Variants in CDH1 observed in about 807,000 individuals in gnomAD.
CDH1 encodes cadherin 1, also known as cadherin-1.
CDH1 carries 35 observed loss-of-function variants against 84.5 expected under a neutral mutation model. The ratio of observed to expected loss-of-function variants is 0.41; its 90% confidence interval spans 0.32 to 0.55. CDH1 has a LOEUF of 0.55. Ranked by LOEUF, CDH1 falls within the 20% of genes least tolerant of loss-of-function variation. CDH1 has a pLI of 0.19. For synonymous variants in CDH1, 417 were observed against 439.0 expected, an observed-to-expected ratio of 0.95 and a Z score of 0.63; for missense variants, 994 against 1,126.6, an observed-to-expected ratio of 0.88 and a Z score of 1.68.
chr16:68,829,536 A>G, intron 14 of CDH1, 118 bp from the exon 15 acceptor site: 1 of 1,011,392 alleles, frequency 9.9e-7, no homozygotes, highest in East Asian at 2.6e-5. Context: ...ACTGGTAAAG[A>G]TCATACAGTT....
intron 2 of CDH1, among the ~76,000 whole-genome samples, chr16:68,798,547 C>T (rs552268778): frequency 6.6e-6 from 1 of 152,320 alleles, no homozygotes; most frequent in East Asian, 1.9e-4. Flanking sequence ...TAGGGCTTAA[C>T]CACCATTAAG....
At chr16:68,787,137 G>A (rs1050293551) in intron 2 of CDH1, among the ~76,000 whole-genome samples, 1 of 152,126 alleles carries the variant, frequency 6.6e-6, no homozygotes, top group Non-Finnish European at 1.5e-5. Flanking sequence ...TTTATATCTG[G>A]GTTGTGTTTT....
At chr16:68,815,420 T>C (rs2152134523) in intron 9 of CDH1, 95 bp from the exon 10 acceptor site, 4 of 1,513,664 alleles carry the variant, frequency 2.6e-6, no homozygotes, top group Non-Finnish European at 2.7e-6. Context: ...ACCAACCTAA[T>C]ATATTACCAA....
At chr16:68,754,304 G>T (rs1483486970) in intron 2 of CDH1, among the ~76,000 whole-genome samples, 1 of 151,998 alleles carries the variant, frequency 6.6e-6, no homozygotes, top group African/African-American at 2.4e-5. Context: ...CCAGCTACCT[G>T]GGAGGCTAAG....
At chr16:68,796,913 G>T (rs1960377167) in intron 2 of CDH1, among the ~76,000 whole-genome samples, 1 of 151,844 alleles carries the variant, frequency 6.6e-6, no homozygotes, top group Non-Finnish European at 1.5e-5. Flanking sequence ...TGAGGTTGGT[G>T]GATCGCTTGA....
At chr16:68,822,477 C>T in intron 12 of CDH1, 1 of 575,748 alleles carries the variant, frequency 1.7e-6, no homozygotes. Context: ...TCTAGCCACC[C>T]TCCACTCCCC....
intron 2 of CDH1, among the ~76,000 whole-genome samples, chr16:68,750,102 A>G (rs140316027): frequency 4.3e-5 from 6 of 140,190 alleles, no homozygotes; most frequent in African/African-American, 1.6e-4. Context: ...GTGAGCCACC[A>G]GGCCTGGCCT....
At chr16:68,811,911 C>T (rs895416852) in intron 7 of CDH1, 52 bp downstream of exon 7, 1 of 1,594,442 alleles carries the variant, frequency 6.3e-7, no homozygotes, top group Admixed American at 1.7e-5. Flanking sequence ...TGTATTAGCT[C>T]AATCCCGTGG....
chr16:68,765,752 T>C (rs1169928738), intron 2 of CDH1, among the ~76,000 whole-genome samples: 1 of 152,104 alleles, frequency 6.6e-6, no homozygotes, highest in East Asian at 1.9e-4. Context: ...TAACACTTTT[T>C]AAAAGATTTG....
rs2152139650 is a variant in CDH1 at position 68,823,603 on chromosome 16, T to C, written c.2141T>C (p.Leu714Pro). ...CAAATTCCTGCCATTCTGGGGATTC[T>C]TGGAGGAATTCTTGCTTTGCTAAGT... ...GLQIPAILGI[L>P]GGILALLILI... The change falls in exon 13 of 16, where the codon CTT becomes CCT. Residue 714 changes from leucine (L) to proline (P), a missense_variant. Physicochemically the swap from Leu to Pro is moderately conservative, Grantham distance 98. Coordinates refer to ENST00000261769, the MANE Select transcript of CDH1 (RefSeq NM_004360.5). 1 of 1,612,802 alleles carries C rather than the reference T, an allele frequency of 6.2e-7. No homozygotes were observed. Among genetic ancestry groups the C allele is most frequent in the East Asian group, 2.2e-5 (1 of 44,884 alleles).
Position 68,833,694 on chromosome 16 carries a change from C to A in CDH1, c.*195C>A. The A allele has an allele frequency of 3.5e-6, 2 of 579,632 alleles. No homozygotes were observed. The highest frequency in any genetic ancestry group is 6.1e-6 in the Non-Finnish European group (2 of 327,058). The allele number at this position is 579,632 out of a possible 1,614,324, so 35.9% of individuals were successfully genotyped here. On this transcript the variant is annotated 3_prime_UTR_variant, in exon 16 of 16. Transcript: ENST00000261769. ...TAAGTTTGTGTTAGAAAAGTTTCGACTTATTTCTTAAAGCTTTTTTTTTTT... is the reference window on the plus strand; with the variant it reads ...TAAGTTTGTGTTAGAAAAGTTTCGAATTATTTCTTAAAGCTTTTTTTTTTT...
In CDH1 at chr16:68,801,756, A is replaced by G; in HGVS notation, c.250A>G (p.Thr84Ala). 6.2e-7 allele frequency: 1 copy of G among 1,614,184 alleles called. No homozygotes were observed. The highest frequency in any genetic ancestry group is 8.5e-7 in the Non-Finnish European group (1 of 1,180,006). ...CAAAGTGGGCACAGATGGTGTGATTACAGTCAAAAGGCCTCTACGGTTTCA... is the reference window on the plus strand; with the variant it reads ...CAAAGTGGGCACAGATGGTGTGATTGCAGTCAAAAGGCCTCTACGGTTTCA... Reference protein sequence around the residue: ...RFKVGTDGVITVKRPLRFHNP... With the variant: ...RFKVGTDGVIAVKRPLRFHNP... Residue 84 changes from threonine (T) to alanine (A), a missense_variant, in exon 3 of 16, where the codon ACA (threonine) becomes GCA (alanine). By Grantham distance (58) the Thr-to-Ala change is moderately conservative. Transcript: ENST00000261769.
intron 2 of CDH1, among the ~76,000 whole-genome samples, chr16:68,782,229 C>A (rs1750011401): frequency 6.6e-6 from 1 of 152,190 alleles, no homozygotes. Flanking sequence ...GGGAGGCAGT[C>A]CACACCCTCA....
At chr16:68,759,423 G>GT (rs1963102349) in intron 2 of CDH1, among the ~76,000 whole-genome samples, 1 of 150,010 alleles carries the variant, frequency 6.7e-6, no homozygotes, top group East Asian at 2.0e-4. Flanking sequence ...GTATGATCTT[G>GT]TTTTTTTAAT....
intron 2 of CDH1, among the ~76,000 whole-genome samples, chr16:68,773,539 T>G (rs1959643812): frequency 6.6e-6 from 1 of 152,234 alleles, no homozygotes; most frequent in African/African-American, 2.4e-5. Flanking sequence ...CCTCAGGTGA[T>G]CTGCCCGCCC....
intron 2 of CDH1, among the ~76,000 whole-genome samples, chr16:68,745,221 C>T (rs1962689727): frequency 6.6e-6 from 1 of 151,442 alleles, no homozygotes; most frequent in African/African-American, 2.4e-5. Flanking sequence ...GTGGCTCACA[C>T]CTGTAATCCC....
chr16:68,786,534 CTTTTTTTTTTTTTTTT>C (rs3074434), intron 2 of CDH1, among the ~76,000 whole-genome samples: 3 of 73,914 alleles, frequency 4.1e-5, no homozygotes, highest in South Asian at 5.8e-4. Context: ...TTTTTTTTTT[CTTTTTTTTTTTTTTTT>C]TTTGGTATTC....
intron 10 of CDH1, among the ~76,000 whole-genome samples, chr16:68,818,018 C>G (rs1202295619): frequency 2.0e-5 from 3 of 152,012 alleles, no homozygotes; most frequent in Non-Finnish European, 4.4e-5. Flanking sequence ...ATGGGTGGAT[C>G]ATCTGAGGTC....
chr16:68,798,112 C>G (rs923923801), intron 2 of CDH1, among the ~76,000 whole-genome samples: 6 of 151,916 alleles, frequency 3.9e-5, no homozygotes, highest in Non-Finnish European at 7.4e-5. Context: ...ATGGAGATGG[C>G]CAGTAGTGGG....
Sources: allele counts gnomAD v4.1 joint callset (sites outside exome capture counted in the v4.1 genomes callset), GRCh38; gene constraint gnomAD v4.1.1; transcripts MANE v1.5; gene names NCBI Gene and HGNC (gene_info 2026-07-23, HGNC 2026-07-21).